Variants in RIC1 observed in about 807,000 individuals in gnomAD.
RIC1 encodes RIC1 partner of RAB6A GEF complex, also known as guanine nucleotide exchange factor subunit RIC1.
A neutral mutation model predicts 169.0 loss-of-function variants in RIC1; 88 were observed. The observed-to-expected ratio is 0.52, with a 90% confidence interval of 0.44 to 0.62. The LOEUF (loss-of-function observed/expected upper bound fraction) is 0.62. Among genes scored for constraint, RIC1 ranks in the 20% least tolerant of loss-of-function variants. The pLI is 0.00. For missense variants in RIC1, 1,877 were observed against 1,725.5 expected, an observed-to-expected ratio of 1.09 and a Z score of -1.56; for synonymous variants, 790 against 601.5, an observed-to-expected ratio of 1.31 and a Z score of -4.59.
intron 4 of RIC1, among the ~76,000 whole-genome samples, chr9:5,717,156 T>A (rs1823295582): frequency 6.6e-6 from 1 of 152,232 alleles, no homozygotes; most frequent in African/African-American, 2.4e-5. Context: ...GGTTACATTT[T>A]CCTGTTTATT....
chr9:5,749,085 A>G (rs1236172496), intron 12 of RIC1, among the ~76,000 whole-genome samples: 2 of 152,212 alleles, frequency 1.3e-5, no homozygotes, highest in African/African-American at 4.8e-5. Flanking sequence ...GATTTGATAC[A>G]TGAGGAAACT....
chr9:5,745,803 C>T, intron 10 of RIC1, 128 bp from the exon 11 acceptor site: 2 of 764,934 alleles, frequency 2.6e-6, no homozygotes, highest in South Asian at 4.0e-5. Flanking sequence ...ATCACGGTTT[C>T]TCCAACCTTC....
At position 5,774,123 on chromosome 9, in the gene RIC1, T is replaced by G; in HGVS notation, c.4149T>G (p.His1383Gln). Residue 1383 changes from histidine to glutamine, a missense_variant, in exon 26 of 26, where the codon CAT (histidine) becomes CAG (glutamine). Transcript: ENST00000414202. ...RAEESRGSSS[H>Q]GSIPQGEVGS... Reference sequence around the variant, plus strand: ...AGGAGAGCAGGGGCTCCTCCAGCCATGGAAGCATCCCCCAGGGTGAAGTTG... The same window carrying G: ...AGGAGAGCAGGGGCTCCTCCAGCCAGGGAAGCATCCCCCAGGGTGAAGTTG... The G allele has an allele frequency of 6.2e-7, 1 of 1,613,976 alleles. No homozygotes were observed. The highest frequency in any genetic ancestry group is 8.5e-7 in the Non-Finnish European group (1 of 1,179,960).
Position 5,746,019 on chromosome 9 carries a change from T to A in RIC1, c.1184T>A (p.Val395Asp), listed in dbSNP as rs762816164. Residue 395 changes from valine to aspartate, a missense_variant, in exon 11 of 26, where the codon GTT becomes GAT. Physicochemically the swap from Val to Asp is radical, Grantham distance 152 (BLOSUM62 -3). Around this residue, in one of 3 missense-constraint regions of RIC1, gnomAD observed 1,104 missense variants for 992.0 expected, o/e 1.11. Transcript: ENST00000414202. ...TEIESDLRSV[V>D]KQPSILLFQF... ...ATTGAGTCTGACCTCAGGAGTGTAG[T>A]TAAACAGCCCAGCATCCTGTTATTT... The A allele has an allele frequency of 1.2e-6, 2 of 1,613,764 alleles. No homozygotes were observed. The highest frequency in any genetic ancestry group is 1.7e-6 in the Non-Finnish European group (2 of 1,179,674).
At chr9:5,696,572 A>G (rs1335984845) in intron 3 of RIC1, among the ~76,000 whole-genome samples, 2 of 151,866 alleles carry the variant, frequency 1.3e-5, no homozygotes. Flanking sequence ...AAAAATTTAC[A>G]CTACTAATTC....
At chr9:5,761,599 A>G (rs1190984155) in intron 17 of RIC1, among the ~76,000 whole-genome samples, 1 of 152,172 alleles carries the variant, frequency 6.6e-6, no homozygotes, top group African/African-American at 2.4e-5. Context: ...TCTATCAGTG[A>G]TAATAACTTC....
At chr9:5,685,728 T>C (rs1354036068) in intron 2 of RIC1, among the ~76,000 whole-genome samples, 1 of 150,770 alleles carries the variant, frequency 6.6e-6, no homozygotes, top group Non-Finnish European at 1.5e-5. Flanking sequence ...AAGGACTTCA[T>C]GTCTAAAACA....
intron 2 of RIC1, among the ~76,000 whole-genome samples, chr9:5,687,099 AT>A (rs1369652735): frequency 6.6e-6 from 1 of 152,170 alleles, no homozygotes; most frequent in African/African-American, 2.4e-5. Flanking sequence ...GAATTTGTCC[AT>A]CTCATCCAAG....
chr9:5,675,405 A>C (rs932421122), intron 2 of RIC1, among the ~76,000 whole-genome samples: 4 of 152,198 alleles, frequency 2.6e-5, no homozygotes, highest in Admixed American at 6.5e-5. Context: ...GAACTTACTG[A>C]CATATCGATT....
intron 2 of RIC1, 151 bp from the exon 3 acceptor site, chr9:5,689,808 C>T (rs533403851): frequency 1.7e-5 from 9 of 530,264 alleles, no homozygotes; most frequent in Admixed American, 4.0e-5. Context: ...ATTAAAAAGT[C>T]GCTTCTATTT....
At chr9:5,764,767 A>T (rs1826586190) in intron 19 of RIC1, among the ~76,000 whole-genome samples, 1 of 152,180 alleles carries the variant, frequency 6.6e-6, no homozygotes, top group African/African-American at 2.4e-5. Flanking sequence ...GTTCCGGGTC[A>T]CTCCCTGCAA....
rs112798620 is a variant in RIC1, at chr9:5,647,980, G to A, written c.145-8603G>A. Among the ~76,000 whole-genome samples the A allele has an allele frequency of 9.2e-3, 1,175 of 127,278 alleles. 6 individuals carry two copies. The highest frequency in any genetic ancestry group is 0.014 in the African/African-American group (444 of 31,780). The allele number at this position is 127,278 out of a possible 152,430, so 83.5% of individuals were successfully genotyped here. On this transcript the variant is annotated intron_variant, in intron 1 of 25. Coordinates refer to ENST00000414202, the MANE Select transcript of RIC1 (RefSeq NM_020829.4). ...GGTGGTGGTGGTGGTGGTGATGGTGGTGGTGGTGGTGGTAGTGGTAGTGGT... is the reference window on the plus strand; with the variant it reads ...GGTGGTGGTGGTGGTGGTGATGGTGATGGTGGTGGTGGTAGTGGTAGTGGT...
intron 13 of RIC1, 76 bp from the exon 14 acceptor site, chr9:5,753,460 C>T: frequency 2.2e-6 from 2 of 928,412 alleles, no homozygotes; most frequent in Non-Finnish European, 3.3e-6. Flanking sequence ...GTTTGCCTGA[C>T]ACAATACTAA....
At chr9:5,700,010 C>A (rs61134586) in intron 3 of RIC1, among the ~76,000 whole-genome samples, 7,152 of 151,080 alleles carry the variant, frequency 0.047, 216 homozygotes, top group Middle Eastern at 0.082. Context: ...GAAAAAAATT[C>A]CTACTTTTTT....
chr9:5,757,564 TTA>T, intron 17 of RIC1, 113 bp downstream of exon 17: 1 of 1,109,718 alleles, frequency 9.0e-7, no homozygotes, highest in South Asian at 1.5e-5. Context: ...AAAATGTACC[TTA>T]TATGAGAATG....
intron 2 of RIC1, among the ~76,000 whole-genome samples, chr9:5,684,421 A>T (rs908673211): frequency 2.0e-5 from 3 of 151,758 alleles, no homozygotes; most frequent in Non-Finnish European, 2.9e-5. Flanking sequence ...GTATTTCTCC[A>T]TTGAAGTATT....
chr9:5,733,747 T>TA, intron 7 of RIC1, among the ~76,000 whole-genome samples: 1 of 152,172 alleles, frequency 6.6e-6, no homozygotes, highest in Non-Finnish European at 1.5e-5. Context: ...AGCTTTTTTT[T>TA]AATGTTTGTG....
intron 17 of RIC1, 43 bp from the exon 18 acceptor site, chr9:5,762,498 C>A (rs755204284): frequency 6.2e-7 from 1 of 1,607,382 alleles, no homozygotes; most frequent in African/African-American, 1.3e-5. Context: ...GAAAGCATAC[C>A]GATACAGAAG....
At chr9:5,654,224 G>A (rs1818959209) in intron 1 of RIC1, among the ~76,000 whole-genome samples, 1 of 151,740 alleles carries the variant, frequency 6.6e-6, no homozygotes, top group South Asian at 2.1e-4. Context: ...GGCTGCAAGT[G>A]TGTATTTTTT....
Sources: gnomAD v4.1 joint callset for allele counts (sites outside exome capture counted in the v4.1 genomes callset) on GRCh38, gnomAD v4.1.1 for gene constraint, gnomAD v4.1.1 regional missense constraint, MANE v1.5 for transcripts, NCBI Gene and HGNC (gene_info 2026-07-23, HGNC 2026-07-21) for gene names.